Variants in OSTN observed in about 807,000 individuals in gnomAD.
The protein encoded by OSTN is osteocrin.
Under a neutral mutation model 12.0 loss-of-function variants are expected in OSTN, and 9 were observed. The observed-to-expected ratio is 0.75, with a 90% CI of 0.45 to 1.30. The LOEUF (loss-of-function observed/expected upper bound fraction) is 1.30. Among genes scored for constraint, OSTN ranks in the 50% most tolerant of loss-of-function variants. The probability of loss-of-function intolerance (pLI) is 0.00; values close to 1 mark genes in which losing one functional copy is unlikely to be tolerated. For synonymous variants in OSTN, 59 were observed against 56.9 expected, an observed-to-expected ratio of 1.04 and a Z score of -0.16; for missense variants, 148 against 152.3, an observed-to-expected ratio of 0.97 and a Z score of 0.15.
At chr3:191,258,888 T>A (rs1285945864) in intron 4 of OSTN, among the ~76,000 whole-genome samples, 1 of 152,234 alleles carries the variant, frequency 6.6e-6, no homozygotes, top group Non-Finnish European at 1.5e-5. Context: ...TACTCTTGCC[T>A]AGCCATTACA....
Position 191,253,897 on chromosome 3 carries a change from C to A in OSTN, c.*12+3764C>A, listed in dbSNP as rs1001259012. ...TAAAATACTTTTTATTTACTTCAAT[C>A]CCCACTTTGAAACTTAAAAAGCGTT... On this transcript the variant is annotated intron_variant, in intron 4 of 4. Transcript: ENST00000682035. Among the ~76,000 whole-genome samples the A allele has an allele frequency of 4.6e-5, 7 of 152,136 alleles. No homozygotes were observed. In the East Asian group the frequency reaches 1.2e-3, roughly 25 times the overall value.
At chr3:191,225,976 A>C (rs1451737551) in intron 3 of OSTN, among the ~76,000 whole-genome samples, 1 of 152,188 alleles carries the variant, frequency 6.6e-6, no homozygotes. Context: ...TCTAAAATAA[A>C]ATATTTTTTA....
Position 191,218,800 on chromosome 3 carries a change from G to A in OSTN, c.156G>A (p.Glu52=), listed in dbSNP as rs761722305. The change falls in exon 3 of 5, where the codon GAG becomes GAA. Residue 52 remains glutamate (E), a synonymous_variant. Coordinates refer to ENST00000682035, the MANE Select transcript of OSTN (RefSeq NM_198184.2). ...DVQSTPTVRE[E]KSATDLTAKL... is the part of the protein sequence containing the mutation. ...AGTCAACACCCACAGTCAGGGAAGA[G>A]AAATCAGCCACTGACCTGACAGCAA... 2 of 1,613,954 alleles carry A rather than the reference G, an allele frequency of 1.2e-6. No homozygotes were observed. Among genetic ancestry groups the A allele is most frequent in the Non-Finnish European group, 1.7e-6 (2 of 1,179,984 alleles).
chr3:191,222,919 C>T (rs985104812), intron 3 of OSTN, among the ~76,000 whole-genome samples: 2 of 152,056 alleles, frequency 1.3e-5, no homozygotes, highest in African/African-American at 4.8e-5. Context: ...CTTGCTGCCA[C>T]CACGTGAAGA....
chr3:191,224,233 C>T (rs907499807), intron 3 of OSTN, among the ~76,000 whole-genome samples: 15 of 151,876 alleles, frequency 9.9e-5, no homozygotes, highest in Non-Finnish European at 1.9e-4. Context: ...CAAAATTAGC[C>T]AACCATGGTG....
intron 2 of OSTN, 64 bp from the exon 3 acceptor site, chr3:191,218,683 G>A (rs756391990): frequency 5.1e-5 from 67 of 1,320,154 alleles, no homozygotes; most frequent in Non-Finnish European, 7.0e-5. Flanking sequence ...AAAGCCAGAT[G>A]CATATGTACA....
At chr3:191,222,760 G>A (rs1277812954) in intron 3 of OSTN, among the ~76,000 whole-genome samples, 3 of 152,082 alleles carry the variant, frequency 2.0e-5, no homozygotes, top group Non-Finnish European at 4.4e-5. Context: ...TAGTTCCCAT[G>A]ATCCCCTCGT....
intron 3 of OSTN, among the ~76,000 whole-genome samples, chr3:191,236,409 CAGAGT>C (rs1214513277): frequency 6.6e-6 from 1 of 152,020 alleles, no homozygotes; most frequent in Non-Finnish European, 1.5e-5. Context: ...GGCAAGTCCA[CAGAGT>C]AAAGTGAAAG....
intron 1 of OSTN, among the ~76,000 whole-genome samples, chr3:191,211,015 G>C (rs930108183): frequency 6.6e-6 from 1 of 152,184 alleles, no homozygotes; most frequent in African/African-American, 2.4e-5. Flanking sequence ...TCACTACCCA[G>C]AATTAACATG....
At chr3:191,234,767 C>A (rs897745444) in intron 3 of OSTN, among the ~76,000 whole-genome samples, 1 of 151,688 alleles carries the variant, frequency 6.6e-6, no homozygotes, top group African/African-American at 2.4e-5. Flanking sequence ...GAGCATACTC[C>A]CGGGAAGAGG....
intron 4 of OSTN, among the ~76,000 whole-genome samples, chr3:191,252,070 G>T (rs568103544): frequency 6.0e-4 from 90 of 149,786 alleles, no homozygotes; most frequent in Admixed American, 9.9e-4. Context: ...ATTTTTTTTT[G>T]GTTTTTTTGA....
At chr3:191,256,106 T>C (rs1299114932) in intron 4 of OSTN, among the ~76,000 whole-genome samples, 12 of 151,934 alleles carry the variant, frequency 7.9e-5, no homozygotes, top group Non-Finnish European at 1.8e-4. Context: ...TAAAGAAAAT[T>C]GACAAGAAAA....
intron 3 of OSTN, among the ~76,000 whole-genome samples, chr3:191,238,158 G>C (rs9830522): frequency 0.051 from 7,720 of 151,850 alleles, 644 homozygotes; most frequent in African/African-American, 0.17. Context: ...TTCAGGTGTG[G>C]GAAACACAAA....
At chr3:191,209,636 C>T (rs1002181940) in intron 1 of OSTN, among the ~76,000 whole-genome samples, 1 of 152,154 alleles carries the variant, frequency 6.6e-6, no homozygotes. Flanking sequence ...ATAGACAGTG[C>T]TAAAATATTG....
chr3:191,209,572 T>G (rs1714367051), intron 1 of OSTN, among the ~76,000 whole-genome samples: 1 of 152,242 alleles, frequency 6.6e-6, no homozygotes, highest in South Asian at 2.1e-4. Context: ...GGTGTCAAAA[T>G]GAACAACTAT....
chr3:191,253,324 C>T (rs1374044032), intron 4 of OSTN, among the ~76,000 whole-genome samples: 1 of 152,150 alleles, frequency 6.6e-6, no homozygotes, highest in Non-Finnish European at 1.5e-5. Flanking sequence ...TTGCTTCATT[C>T]GAGGTGAAGT....
chr3:191,237,387 A>T (rs1715216920), intron 3 of OSTN, among the ~76,000 whole-genome samples: 1 of 152,226 alleles, frequency 6.6e-6, no homozygotes, highest in South Asian at 2.1e-4. Context: ...TAGAAGAAAG[A>T]CTTTGACTGA....
At chr3:191,260,728 A>G (rs751640825) in intron 4 of OSTN, among the ~76,000 whole-genome samples, 1 of 152,176 alleles carries the variant, frequency 6.6e-6, no homozygotes, top group Non-Finnish European at 1.5e-5. Context: ...GATGGAGACC[A>G]GGAAAGACTG....
At chr3:191,212,066 C>A (rs1391671267) in intron 1 of OSTN, among the ~76,000 whole-genome samples, 1 of 152,024 alleles carries the variant, frequency 6.6e-6, no homozygotes, top group Non-Finnish European at 1.5e-5. Flanking sequence ...AAGAAATTCT[C>A]CTAATGGATG....
Sources: gnomAD v4.1 joint callset for allele counts (sites outside exome capture counted in the v4.1 genomes callset) on GRCh38, gnomAD v4.1.1 for gene constraint, MANE v1.5 for transcripts, NCBI Gene and HGNC (gene_info 2026-07-23, HGNC 2026-07-21) for gene names.